The following INTS8 variants were observed in gnomAD, a reference collection of about 807,000 sequenced individuals.
INTS8 encodes integrator complex subunit 8.
Under a neutral mutation model 138.9 loss-of-function variants are expected in INTS8, and 47 were observed. That is an observed-to-expected ratio of 0.34 (90% CI 0.27 to 0.43). The LOEUF is 0.43. Ranked by LOEUF, INTS8 falls within the 20% of genes least tolerant of loss-of-function variation. INTS8 has a pLI of 1.00. For missense variants in INTS8, 996 were observed against 1,173.0 expected (o/e 0.85, Z 2.20); for synonymous variants, 392 against 400.9 (o/e 0.98, Z 0.27).
intron 12 of INTS8, 61 bp from the exon 13 acceptor site, chr8:94,851,490 AGT>A: frequency 8.7e-7 from 1 of 1,153,226 alleles, no homozygotes; most frequent in African/African-American, 1.6e-5. Flanking sequence ...CATAATTTTA[AGT>A]AAATTGTTAT....
At chr8:94,871,033 C>T (rs1056617108) in intron 20 of INTS8, among the ~76,000 whole-genome samples, 5 of 152,140 alleles carry the variant, frequency 3.3e-5, no homozygotes, top group African/African-American at 9.7e-5. Flanking sequence ...AGCCCCTGAC[C>T]CCATTAGGCC....
chr8:94,846,337 T>G (rs1450031803), intron 10 of INTS8, among the ~76,000 whole-genome samples: 1 of 152,216 alleles, frequency 6.6e-6, no homozygotes, highest in Non-Finnish European at 1.5e-5. Context: ...TGCAATGGCG[T>G]GATCTCTGCT....
intron 20 of INTS8, among the ~76,000 whole-genome samples, chr8:94,868,273 C>T (rs1816256529): frequency 6.6e-6 from 1 of 152,194 alleles, no homozygotes; most frequent in African/African-American, 2.4e-5. Flanking sequence ...TGTTTTTCCT[C>T]CCTGCCCTCC....
intron 22 of INTS8, 121 bp downstream of exon 22, chr8:94,873,598 T>G: frequency 1.5e-6 from 1 of 684,634 alleles, no homozygotes; most frequent in East Asian, 2.5e-5. Context: ...GGTTCATGGC[T>G]CTAGAACACA....
At position 94,871,936 on chromosome 8, in the gene INTS8, C is replaced by T. The variant is rs761505491; in HGVS notation, c.2467C>T (p.Arg823Ter). The T allele has an allele frequency of 1.2e-6, 2 of 1,609,652 alleles. No individual in the cohort carries two copies. Among genetic ancestry groups the T allele is most frequent in the African/African-American group, 1.3e-5 (1 of 74,766 alleles). ...GGCAATCACAGTGAAAGAGCTAGTT[C>T]GATATACACTCAGTATAAATCCAAA... The part of the protein sequence containing the change: ...AVAITVKELV[R>*]YTLSINPNNH... Residue 823 changes from arginine to a stop codon, truncating the protein, a stop_gained, in exon 21 of 27, where the codon CGA (arginine) becomes TGA (stop). Transcript: ENST00000523731. LOFTEE classifies it high-confidence loss of function.
intron 11 of INTS8, 82 bp from the exon 12 acceptor site, chr8:94,849,834 T>G (rs1815464652): frequency 5.0e-6 from 5 of 996,802 alleles, no homozygotes; most frequent in Non-Finnish European, 7.3e-6. Context: ...TTTAAATGGC[T>G]TATTAAAATT....
chr8:94,875,443 AT>A (rs1816534805), intron 23 of INTS8, among the ~76,000 whole-genome samples: 1 of 152,166 alleles, frequency 6.6e-6, no homozygotes, highest in African/African-American at 2.4e-5. Context: ...GACAAAGTAA[AT>A]TAGTGGTTAT....
chr8:94,877,833 C>T (rs1816617688), intron 26 of INTS8, among the ~76,000 whole-genome samples: 2 of 152,202 alleles, frequency 1.3e-5, no homozygotes, highest in African/African-American at 2.4e-5. Flanking sequence ...GAGCCCCTCA[C>T]GATCAGTGGG....
chr8:94,861,363 G>A (rs565272183), intron 16 of INTS8, among the ~76,000 whole-genome samples: 30 of 144,498 alleles, frequency 2.1e-4, no homozygotes, highest in African/African-American at 5.0e-4. Flanking sequence ...CCGGGTTCAC[G>A]CCATTCTCCT....
At chr8:94,866,974 G>C (rs1195979631) in intron 18 of INTS8, 166 bp from the exon 19 acceptor site, 2 of 563,776 alleles carry the variant, frequency 3.5e-6, no homozygotes, top group African/African-American at 1.9e-5. Context: ...CCCCACATGC[G>C]ATTAAAAAGT....
intron 8 of INTS8, 130 bp downstream of exon 8, chr8:94,838,748 CAT>C (rs1815028505): frequency 3.2e-6 from 2 of 626,468 alleles, no homozygotes; most frequent in Non-Finnish European, 5.6e-6. Flanking sequence ...TGGCCTGTAA[CAT>C]AATGGTAATA....
chr8:94,838,521 A>G lies in INTS8; in HGVS notation c.920A>G (p.Gln307Arg). Residue 307 changes from glutamine to arginine, a missense_variant, in exon 8 of 27, where the codon CAA becomes CGA. Gln to Arg is a conservative substitution (Grantham distance 43). Coordinates refer to ENST00000523731, the MANE Select transcript of INTS8 (RefSeq NM_017864.4). The part of the protein sequence containing the change: ...IDEKRLAGYC[Q>R]ACDVLVPSSD... Reference sequence around the variant, plus strand: ...GAGAAGCGGTTAGCTGGCTATTGTCAAGCATGTGATGTTCTTGTACCTTCT... The same window carrying G: ...GAGAAGCGGTTAGCTGGCTATTGTCGAGCATGTGATGTTCTTGTACCTTCT... 1 of 1,613,348 alleles carries G rather than the reference A, an allele frequency of 6.2e-7. No homozygotes were observed. The highest frequency in any genetic ancestry group is 2.2e-5 in the East Asian group (1 of 44,876).
intron 26 of INTS8, among the ~76,000 whole-genome samples, chr8:94,878,751 TCTTA>T (rs757874087): frequency 1.3e-5 from 2 of 152,210 alleles, no homozygotes; most frequent in African/African-American, 2.4e-5. Context: ...CCATCACTGC[TCTTA>T]CTTTTCTCTC....
chr8:94,860,883 G>A (rs906092795), intron 16 of INTS8, among the ~76,000 whole-genome samples: 12 of 151,446 alleles, frequency 7.9e-5, no homozygotes, highest in African/African-American at 1.9e-4. Flanking sequence ...GTGAAACCCC[G>A]TCCTTACTAA....
chr8:94,827,158 G>C, intron 2 of INTS8, 105 bp from the exon 3 acceptor site: 1 of 987,610 alleles, frequency 1.0e-6, no homozygotes, highest in Non-Finnish European at 1.6e-6. Context: ...CAGAGATGTG[G>C]TTCCTTAACA....
intron 18 of INTS8, 25 bp downstream of exon 18, chr8:94,866,216 A>G (rs913871451): frequency 8.4e-7 from 1 of 1,192,326 alleles, no homozygotes; most frequent in Non-Finnish European, 1.2e-6. Flanking sequence ...AAATTGCTCT[A>G]ATTACTATTG....
intron 12 of INTS8, 119 bp downstream of exon 12, chr8:94,850,210 A>G (rs1437485479): frequency 4.4e-6 from 3 of 677,368 alleles, no homozygotes; most frequent in Non-Finnish European, 7.3e-6. Context: ...TTGGTAATTA[A>G]TAGAAATTCA....
chr8:94,872,866 A>G (rs1816446087), intron 21 of INTS8, among the ~76,000 whole-genome samples: 1 of 152,202 alleles, frequency 6.6e-6, no homozygotes, highest in Admixed American at 6.5e-5. Flanking sequence ...TTAAAGGGAA[A>G]GTTCAAGATA....
At chr8:94,826,924 T>C (rs748368458) in intron 2 of INTS8, among the ~76,000 whole-genome samples, 1 of 152,058 alleles carries the variant, frequency 6.6e-6, no homozygotes, top group Non-Finnish European at 1.5e-5. Context: ...GCTAACATGG[T>C]GAAACCCCGT....
Sources: gnomAD v4.1 joint callset for allele counts (sites outside exome capture counted in the v4.1 genomes callset) on GRCh38, gnomAD v4.1.1 for gene constraint, MANE v1.5 for transcripts, NCBI Gene and HGNC (gene_info 2026-07-23, HGNC 2026-07-21) for gene names.